Variants in PCDH19 observed in about 807,000 individuals in gnomAD.
The protein encoded by PCDH19 is protocadherin 19.
A neutral mutation model predicts 46.2 loss-of-function variants in PCDH19; 6 were observed. The ratio of observed to expected loss-of-function variants is 0.13; its 90% CI spans 0.07 to 0.26. The LOEUF (loss-of-function observed/expected upper bound fraction) is 0.26. Among genes scored for constraint, PCDH19 ranks in the 10% least tolerant of loss-of-function variants. PCDH19 has a pLI of 1.00. For missense variants in PCDH19, 740 were observed against 972.3 expected, an observed-to-expected ratio of 0.76 and a Z score of 3.18; for synonymous variants, 481 against 415.7, an observed-to-expected ratio of 1.16 and a Z score of -1.91.
chrX:100,391,676 C>G (rs1212006092), intron 3 of PCDH19, among the ~76,000 whole-genome samples: 1 of 112,351 alleles, frequency 8.9e-6, no homozygotes, highest in East Asian at 2.8e-4. Context: ...AATCTCTTCA[C>G]ATATTGTTGC....
At chrX:100,382,315 T>C (rs1764806703) in intron 3 of PCDH19, among the ~76,000 whole-genome samples, 1 of 110,928 alleles carries the variant, frequency 9.0e-6, no homozygotes, top group Non-Finnish European at 1.9e-5. Flanking sequence ...GTCCCTGCCC[T>C]AGGCCACTAC....
chrX:100,358,237 C>A (rs944148371), intron 3 of PCDH19, among the ~76,000 whole-genome samples: 5 of 111,913 alleles, frequency 4.5e-5, no homozygotes, highest in African/African-American at 1.6e-4. Context: ...CGAGGGTTCA[C>A]CAGAATGTAG....
intron 3 of PCDH19, among the ~76,000 whole-genome samples, chrX:100,368,768 T>TC (rs896700498): frequency 1.8e-5 from 2 of 111,552 alleles, no homozygotes; most frequent in African/African-American, 6.5e-5. Flanking sequence ...TGTCTTCTCT[T>TC]CCTGGATAAG....
chrX:100,400,317 T>C (rs763181738), intron 3 of PCDH19, among the ~76,000 whole-genome samples: 1 of 112,610 alleles, frequency 8.9e-6, no homozygotes, highest in East Asian at 2.8e-4. Flanking sequence ...TCCAACTGTA[T>C]AGTGAAGAGG....
At chrX:100,371,904 C>G (rs1187553924) in intron 3 of PCDH19, among the ~76,000 whole-genome samples, 2 of 105,545 alleles carry the variant, frequency 1.9e-5, no homozygotes, top group Non-Finnish European at 3.9e-5. Flanking sequence ...CTTAAAAATA[C>G]TAAATATATG....
At chrX:100,331,201 A>G (rs1925860463) in intron 5 of PCDH19, among the ~76,000 whole-genome samples, 1 of 112,213 alleles carries the variant, frequency 8.9e-6, no homozygotes. Context: ...TGACACCTGC[A>G]CACACACACT....
intron 3 of PCDH19, among the ~76,000 whole-genome samples, chrX:100,396,520 T>A (rs1928029971): frequency 9.0e-6 from 1 of 111,489 alleles, no homozygotes; most frequent in Non-Finnish European, 1.9e-5. Context: ...GGGAGAAAAA[T>A]CTCAGGATGA....
rs907816280 is a variant in PCDH19, at chrX:100,408,784, T to C, written c.-187A>G. On this transcript the variant is annotated 5_prime_UTR_variant, in exon 1 of 6. Transcript: ENST00000373034. Reference sequence around the variant, plus strand: ...GGGACACCCGCGGCGGCTCCAATGCTGAGGTTGCGGCGGACGCGGCGGGGG... The same window carrying C: ...GGGACACCCGCGGCGGCTCCAATGCCGAGGTTGCGGCGGACGCGGCGGGGG... The C allele has an allele frequency of 1.6e-5, 3 of 182,627 alleles. No individual in the cohort carries two copies. The highest frequency in any genetic ancestry group is 1.6e-4 in the Admixed American group (2 of 12,412). 15.1% of individuals were successfully genotyped at this position (182,627 alleles called of 1,213,427 possible).
intron 3 of PCDH19, among the ~76,000 whole-genome samples, chrX:100,379,691 G>A (rs960233988): frequency 1.8e-5 from 2 of 112,370 alleles, no homozygotes; most frequent in Non-Finnish European, 3.8e-5. Flanking sequence ...CTTCTCTGGA[G>A]ACTGCTGTCT....
chrX:100,320,666 A>G (rs924837566), intron 5 of PCDH19, among the ~76,000 whole-genome samples: 5 of 111,538 alleles, frequency 4.5e-5, no homozygotes, highest in Non-Finnish European at 7.5e-5. Context: ...ATATGATAAA[A>G]CTTTTGAAAA....
chrX:100,346,776 T>C (rs963038290), intron 4 of PCDH19, among the ~76,000 whole-genome samples: 1 of 112,255 alleles, frequency 8.9e-6, no homozygotes, highest in African/African-American at 3.2e-5. Flanking sequence ...CAGTGCTTTG[T>C]TCATTTCCTA....
At chrX:100,328,625 G>A (rs1925773807) in intron 5 of PCDH19, among the ~76,000 whole-genome samples, 1 of 111,524 alleles carries the variant, frequency 9.0e-6, no homozygotes, top group Admixed American at 9.5e-5. Flanking sequence ...GTGGGAATGG[G>A]TACTTTCAGA....
intron 3 of PCDH19, among the ~76,000 whole-genome samples, chrX:100,361,906 A>C (rs1926894271): frequency 9.0e-6 from 1 of 111,640 alleles, no homozygotes; most frequent in Non-Finnish European, 1.9e-5. Context: ...TAAACACGAC[A>C]GGTTCAAAGG....
At chrX:100,362,531 C>T (rs1294761142) in intron 3 of PCDH19, among the ~76,000 whole-genome samples, 2 of 110,568 alleles carry the variant, frequency 1.8e-5, no homozygotes, top group Admixed American at 9.7e-5. Flanking sequence ...CAGTGGCTCA[C>T]GCCTGTAATC....
Position 100,296,311 on chromosome X carries a change from G to A in PCDH19, c.3413C>T (p.Pro1138Leu). The change falls in exon 6 of 6, where the codon CCT (proline) becomes CTT (leucine). Residue 1138 changes from proline to leucine, a missense_variant. Physicochemically the swap from Pro to Leu is moderately conservative, Grantham distance 98. Around this residue, in one of 5 missense-constraint regions of PCDH19, gnomAD observed 416 missense variants for 476.8 expected, o/e 0.87. Coordinates refer to ENST00000373034, the MANE Select transcript of PCDH19 (RefSeq NM_001184880.2). ...ILKEGRNKES[P>L]GVKRLKDIVL ...GATATCCTTCAGACGCTTCACACCAGGGGACTCTTTGTTGCGACCTTCCTT... is the reference window on the plus strand; with the variant it reads ...GATATCCTTCAGACGCTTCACACCAAGGGACTCTTTGTTGCGACCTTCCTT... 1 of 1,210,675 alleles carries A rather than the reference G, an allele frequency of 8.3e-7. No homozygotes were observed.
intron 5 of PCDH19, among the ~76,000 whole-genome samples, chrX:100,322,865 A>ATATATTTTTTTTTTTTTT: frequency 1.8e-5 from 1 of 54,418 alleles, no homozygotes; most frequent in Admixed American, 2.1e-4. Flanking sequence ...ATATATATAT[A>ATATATTTTTTTTTTTTTT]TTTTTGCAGC....
At chrX:100,331,458 C>A (rs1351495600) in intron 5 of PCDH19, among the ~76,000 whole-genome samples, 1 of 111,735 alleles carries the variant, frequency 8.9e-6, no homozygotes, top group Admixed American at 9.5e-5. Context: ...AGAAGAAGAA[C>A]CTGTGTGTGA....
intron 3 of PCDH19, among the ~76,000 whole-genome samples, chrX:100,376,336 G>T (rs1408801350): frequency 9.1e-6 from 1 of 110,446 alleles, no homozygotes; most frequent in African/African-American, 3.3e-5. Flanking sequence ...AGAAAAGATT[G>T]GGTAGACAGC....
chrX:100,394,115 C>T (rs1350152186), intron 3 of PCDH19, among the ~76,000 whole-genome samples: 1 of 111,400 alleles, frequency 9.0e-6, no homozygotes, highest in African/African-American at 3.3e-5. Context: ...TGCAGTGAGC[C>T]GAGATCATAC....
Sources: gnomAD v4.1 joint callset for allele counts (sites outside exome capture counted in the v4.1 genomes callset) on GRCh38, gnomAD v4.1.1 for gene constraint, gnomAD v4.1.1 regional missense constraint, MANE v1.5 for transcripts, NCBI Gene and HGNC (gene_info 2026-07-23, HGNC 2026-07-21) for gene names.